The following DAB2IP variants were observed in gnomAD, a reference collection of about 807,000 sequenced individuals.
The protein encoded by DAB2IP is disabled homolog 2-interacting protein.
DAB2IP carries 28 observed loss-of-function variants against 107.2 expected under a neutral mutation model. The observed-to-expected ratio is 0.26, with a 90% CI of 0.19 to 0.36. The LOEUF is 0.36. Among genes scored for constraint, DAB2IP ranks in the 10% least tolerant of loss-of-function variants. The pLI is 1.00. For synonymous variants in DAB2IP, 755 were observed against 706.4 expected, an observed-to-expected ratio of 1.07 and a Z score of -1.09; for missense variants, 1,400 against 1,644.7, an observed-to-expected ratio of 0.85 and a Z score of 2.57.
intron 1 of DAB2IP, among the ~76,000 whole-genome samples, chr9:121,621,637 T>A (rs1037435336): frequency 1.8e-5 from 2 of 112,634 alleles, no homozygotes; most frequent in African/African-American, 4.8e-5. Flanking sequence ...CTTTTTTTCC[T>A]TTTTTTTTTT....
chr9:121,769,295 C>G (rs773238425), intron 10 of DAB2IP, among the ~76,000 whole-genome samples: 1 of 152,232 alleles, frequency 6.6e-6, no homozygotes, highest in Non-Finnish European at 1.5e-5. Context: ...GTCCCATTCC[C>G]TAGAGGTGAC....
chr9:121,748,761 G>C (rs78724336), intron 3 of DAB2IP, among the ~76,000 whole-genome samples: 5,103 of 152,306 alleles, frequency 0.034, 260 homozygotes, highest in African/African-American at 0.11. Context: ...GGGACACCAG[G>C]CCTCACAGCA....
chr9:121,770,850 G>T, intron 11 of DAB2IP, 126 bp downstream of exon 11: 1 of 1,292,960 alleles, frequency 7.7e-7, no homozygotes, highest in Non-Finnish European at 1.1e-6. Context: ...GGCAAGACTT[G>T]AGTTGTACAG....
chr9:121,725,063 G>A (rs1474597739), intron 3 of DAB2IP, among the ~76,000 whole-genome samples: 2 of 152,224 alleles, frequency 1.3e-5, no homozygotes, highest in Non-Finnish European at 2.9e-5. Context: ...CAGGCTTCTT[G>A]TGCTGGCTTT....
chr9:121,686,030 G>C (rs1242144182), intron 2 of DAB2IP, among the ~76,000 whole-genome samples: 2 of 152,188 alleles, frequency 1.3e-5, no homozygotes, highest in African/African-American at 4.8e-5. Context: ...GCCAGAGTAG[G>C]CCAGAGCAGA....
chr9:121,576,208 CA>C (rs1445559259), intron 1 of DAB2IP: 1 of 152,200 alleles, frequency 6.6e-6, no homozygotes, highest in African/African-American at 2.4e-5. Flanking sequence ...CCCACCGCTG[CA>C]GCAGGATAAA....
intron 3 of DAB2IP, among the ~76,000 whole-genome samples, chr9:121,731,277 G>T (rs1831521917): frequency 6.6e-6 from 1 of 152,188 alleles, no homozygotes. Flanking sequence ...TGGACTGGTT[G>T]TTTAACCCGG....
At chr9:121,658,147 C>A (rs545254904) in intron 1 of DAB2IP, among the ~76,000 whole-genome samples, 1 of 152,300 alleles carries the variant, frequency 6.6e-6, no homozygotes, top group South Asian at 2.1e-4. Context: ...GACACAAACA[C>A]GCTCACATCC....
exon 2 of DAB2IP, chr9:121,678,712 C>G (rs1404339206): frequency 1.3e-6 from 2 of 1,593,622 alleles, no homozygotes; most frequent in Non-Finnish European, 1.7e-6. Flanking sequence ...CTCGGCGCAG[C>G]CTGCCTGGCA....
At chr9:121,613,557 G>C (rs754718782) in intron 1 of DAB2IP, among the ~76,000 whole-genome samples, 1 of 152,138 alleles carries the variant, frequency 6.6e-6, no homozygotes, top group African/African-American at 2.4e-5. Flanking sequence ...CTTCCCCTGA[G>C]AGGTTCGCTT....
intron 3 of DAB2IP, among the ~76,000 whole-genome samples, chr9:121,734,295 T>G (rs1368379016): frequency 7.1e-6 from 1 of 141,078 alleles, no homozygotes; most frequent in African/African-American, 3.1e-5. Flanking sequence ...GAGAATGGCG[T>G]GAACCCAGGA....
At chr9:121,765,930 A>G (rs1031266903) in intron 8 of DAB2IP, among the ~76,000 whole-genome samples, 3 of 152,206 alleles carry the variant, frequency 2.0e-5, no homozygotes. Context: ...GTTCAGGGGT[A>G]GTCCCATCTT....
chr9:121,772,893 G>C lies in DAB2IP; in HGVS notation c.2365G>C (p.Ala789Pro). ...GCTGGTGGCCGGGTGGCCGGCCCGGGCAACCCCAGTGAACCTGGCAGGGCT... is the reference window on the plus strand; with the variant it reads ...GCTGGTGGCCGGGTGGCCGGCCCGGCCAACCCCAGTGAACCTGGCAGGGCT... The change falls in exon 12 of 16, where the codon GCA (alanine) becomes CCA (proline). Residue 789 changes from alanine to proline, a missense_variant. Ala to Pro is a conservative substitution (Grantham distance 27). Transcript: ENST00000408936. The surrounding 1 kb of genome is among the most constrained non-coding windows in gnomAD (Gnocchi z 4.7). 6.3e-7 allele frequency: 1 copy of C among 1,576,554 alleles called. No homozygotes were observed. The highest frequency in any genetic ancestry group is 8.6e-7 in the Non-Finnish European group (1 of 1,165,148).
intron 1 of DAB2IP, among the ~76,000 whole-genome samples, chr9:121,670,801 G>A (rs527499501): frequency 1.3e-5 from 2 of 152,322 alleles, no homozygotes; most frequent in South Asian, 4.1e-4. Context: ...CGGATCACTT[G>A]AAGTCAGGAG....
chr9:121,781,752 C>T (rs1486655412), intron 15 of DAB2IP, among the ~76,000 whole-genome samples: 1 of 151,776 alleles, frequency 6.6e-6, no homozygotes, highest in African/African-American at 2.4e-5. Flanking sequence ...AGAGAGGCAG[C>T]TCCTCCCCTG....
upstream of DAB2IP, among the ~76,000 whole-genome samples, chr9:121,649,641 C>T (rs1020494817): frequency 1.3e-5 from 2 of 152,176 alleles, no homozygotes; most frequent in Non-Finnish European, 2.9e-5. Context: ...CCCCAGAACC[C>T]GTGGACCTGG....
intron 2 of DAB2IP, among the ~76,000 whole-genome samples, chr9:121,691,246 G>C (rs1244867625): frequency 4.0e-5 from 6 of 151,884 alleles, no homozygotes; most frequent in African/African-American, 7.3e-5. Flanking sequence ...AGTATGGGGT[G>C]GGGGAGGCAC....
chr9:121,634,846 C>T lies in DAB2IP; in HGVS notation c.41-43832C>T, dbSNP rs542554794. On this transcript the variant is annotated intron_variant, in intron 1 of 16. Transcript: ENST00000259371. This position sits in a 1 kb window ranked among gnomAD's most constrained non-coding sequence, Gnocchi z 4.7. ...CTGTGGCTAGGCTGGGAGGAAGCTGCTCTTCCACTCCCACCCTCACCCCGT... is the reference window on the plus strand; with the variant it reads ...CTGTGGCTAGGCTGGGAGGAAGCTGTTCTTCCACTCCCACCCTCACCCCGT... Among the ~76,000 whole-genome samples the T allele has an allele frequency of 1.3e-5, 2 of 152,246 alleles. No homozygotes were observed. The highest frequency in any genetic ancestry group is 4.8e-5 in the African/African-American group (2 of 41,534).
At chr9:121,739,872 G>A (rs952911339) in intron 3 of DAB2IP, among the ~76,000 whole-genome samples, 1 of 152,180 alleles carries the variant, frequency 6.6e-6, no homozygotes. Context: ...CTCCGAAACA[G>A]CCCTGAGGAG....
Sources: allele counts gnomAD v4.1 joint callset (sites outside exome capture counted in the v4.1 genomes callset), GRCh38; gene constraint gnomAD v4.1.1; non-coding constraint Gnocchi (gnomAD v3.1); transcripts MANE v1.5; gene names NCBI Gene and HGNC (gene_info 2026-07-23, HGNC 2026-07-21).